The following RYR3 variants were observed in gnomAD, a reference collection of about 807,000 sequenced individuals.
The protein encoded by RYR3 is brain ryanodine receptor-calcium release channel.
RYR3 carries 207 observed loss-of-function variants against 584.3 expected under a neutral mutation model. The ratio of observed to expected loss-of-function variants is 0.35; its 90% CI spans 0.32 to 0.40. The LOEUF (loss-of-function observed/expected upper bound fraction) is 0.40, where lower values mean the gene tolerates loss of function less well. Ranked by LOEUF, RYR3 falls within the 10% of genes least tolerant of loss-of-function variation. The probability of loss-of-function intolerance (pLI) is 1.00; values close to 1 mark genes in which losing one functional copy is unlikely to be tolerated. For missense variants in RYR3, 5,616 were observed against 6,089.2 expected, an observed-to-expected ratio of 0.92 and a Z score of 2.59; for synonymous variants, 2,416 against 2,248.5, an observed-to-expected ratio of 1.07 and a Z score of -2.11.
chr15:33,691,135 A>G (rs2065396340), intron 38 of RYR3, among the ~76,000 whole-genome samples: 1 of 146,826 alleles, frequency 6.8e-6, no homozygotes, highest in Non-Finnish European at 1.5e-5. Context: ...CTGAAAAGTT[A>G]GTTGGCATGT....
chr15:33,434,974 T>G (rs2045531592), intron 1 of RYR3, among the ~76,000 whole-genome samples: 1 of 152,010 alleles, frequency 6.6e-6, no homozygotes. Context: ...CCCACCACCA[T>G]GCCTGGCTAA....
chr15:33,854,798 G>C lies in RYR3; in HGVS notation c.13893G>C (p.Met4631Ile). The change falls in exon 98 of 104, where the codon ATG becomes ATC. Residue 4631 changes from methionine (M) to isoleucine (I), a missense_variant. Met to Ile is a conservative substitution (Grantham distance 10, BLOSUM62 1). This residue lies in a region of RYR3 where 918 missense variants were observed against 887.4 expected (regional missense o/e 1.03). Transcript: ENST00000634891. The stretch of plus-strand genomic sequence containing the variant: ...TCTACCTTGCCTGGTATACAACCAT[G>C]TCAGTCCTGGGCCACTACAATAACT... ...SFLYLAWYTT[M>I]SVLGHYNNFF... 6.2e-7 allele frequency: 1 copy of C among 1,613,216 alleles called. No individual in the cohort carries two copies. Among genetic ancestry groups the C allele is most frequent in the Non-Finnish European group, 8.5e-7 (1 of 1,179,622 alleles).
intron 1 of RYR3, among the ~76,000 whole-genome samples, chr15:33,430,171 A>G (rs142902103): frequency 3.1e-4 from 47 of 152,392 alleles, no homozygotes; most frequent in African/African-American, 1.1e-3. Context: ...CAGCAAAGCC[A>G]AACACTTATA....
intron 102 of RYR3, 25 bp downstream of exon 102, chr15:33,861,203 T>C (rs777092848): frequency 1.3e-6 from 2 of 1,517,920 alleles, no homozygotes; most frequent in Non-Finnish European, 1.8e-6. Context: ...TTAACAAAAG[T>C]AATGGCAGCT....
At chr15:33,851,156 C>T (rs1050992991) in intron 94 of RYR3, 1 of 152,110 alleles carries the variant, frequency 6.6e-6, no homozygotes, top group African/African-American at 2.4e-5. Context: ...GTAGATATTT[C>T]AACTTGTTTT....
intron 42 of RYR3, among the ~76,000 whole-genome samples, chr15:33,703,872 G>C (rs1363512574): frequency 6.6e-6 from 1 of 152,018 alleles, no homozygotes; most frequent in African/African-American, 2.4e-5. Flanking sequence ...TTAAAAGCAG[G>C]AATCAAGGAA....
intron 36 of RYR3, among the ~76,000 whole-genome samples, chr15:33,668,911 A>C (rs1251928770): frequency 6.6e-6 from 1 of 152,234 alleles, no homozygotes; most frequent in Non-Finnish European, 1.5e-5. Flanking sequence ...AGTTAATTTT[A>C]CATAAATTAT....
chr15:33,439,156 T>G (rs78966521), intron 1 of RYR3, among the ~76,000 whole-genome samples: 2,776 of 152,296 alleles, frequency 0.018, 75 homozygotes, highest in African/African-American at 0.061. Context: ...ATAGAAATGC[T>G]TTTGCTTTTT....
intron 69 of RYR3, among the ~76,000 whole-genome samples, chr15:33,805,616 T>C (rs540085610): frequency 1.3e-3 from 193 of 151,992 alleles, no homozygotes; most frequent in Non-Finnish European, 1.8e-3. Context: ...TAGCTGGGAC[T>C]ACAGGTGCCC....
At chr15:33,521,775 GC>G (rs1364689170) in intron 3 of RYR3, among the ~76,000 whole-genome samples, 1 of 152,130 alleles carries the variant, frequency 6.6e-6, no homozygotes, top group Non-Finnish European at 1.5e-5. Flanking sequence ...GCCACCAGAT[GC>G]AGCCAACTTT....
chr15:33,422,930 G>A (rs1176565960), intron 1 of RYR3, among the ~76,000 whole-genome samples: 1 of 152,160 alleles, frequency 6.6e-6, no homozygotes, highest in Non-Finnish European at 1.5e-5. Context: ...ATTCCCTCTT[G>A]TAGTAGTTGA....
intron 1 of RYR3, among the ~76,000 whole-genome samples, chr15:33,427,147 G>A (rs1156763882): frequency 6.6e-6 from 1 of 152,204 alleles, no homozygotes; most frequent in Non-Finnish European, 1.5e-5. Flanking sequence ...GATCCAGGAG[G>A]ATATGCAGAA....
In RYR3 at chr15:33,768,725, C is replaced by G. The variant is rs777535177; in HGVS notation, c.8755+18C>G. ...CCTCTTTGGTAAGTGAAGTGTTGCT[C>G]AAGGTACCGCTCCTCCCTGTAATTA... is the stretch of plus-strand genomic sequence containing the variant. On this transcript the variant is annotated intron_variant, in intron 61 of 103. Transcript: ENST00000634891. 1.2e-6 allele frequency: 2 copies of G among 1,612,016 alleles called. No individual in the cohort carries two copies. The highest frequency in any genetic ancestry group is 2.2e-5 in the East Asian group (1 of 44,880).
At chr15:33,703,446 T>C (rs1349484372) in intron 42 of RYR3, among the ~76,000 whole-genome samples, 2 of 152,232 alleles carry the variant, frequency 1.3e-5, no homozygotes, top group African/African-American at 4.8e-5. Flanking sequence ...CTTCACCTCC[T>C]GGCTTGCAGA....
intron 1 of RYR3, among the ~76,000 whole-genome samples, chr15:33,375,692 A>G (rs948028866): frequency 1.3e-5 from 2 of 152,230 alleles, no homozygotes; most frequent in African/African-American, 4.8e-5. Context: ...ACACAGTAAA[A>G]TGCACAGATC....
chr15:33,720,801 G>C (rs928633828), intron 43 of RYR3, among the ~76,000 whole-genome samples: 3 of 152,086 alleles, frequency 2.0e-5, no homozygotes, highest in Non-Finnish European at 4.4e-5. Flanking sequence ...TTGAACCCTA[G>C]AGGGTGAGGC....
chr15:33,532,489 T>A (rs924599994), intron 4 of RYR3, among the ~76,000 whole-genome samples: 1 of 152,160 alleles, frequency 6.6e-6, no homozygotes, highest in Non-Finnish European at 1.5e-5. Context: ...TGCTACACAT[T>A]TAAATTTTTG....
chr15:33,558,323 A>G, intron 10 of RYR3, among the ~76,000 whole-genome samples: 1 of 141,166 alleles, frequency 7.1e-6, no homozygotes, highest in East Asian at 2.1e-4. Flanking sequence ...TTCAATTCCC[A>G]CCTATGAGTG....
At chr15:33,515,117 C>G (rs1257962044) in intron 3 of RYR3, among the ~76,000 whole-genome samples, 1 of 152,188 alleles carries the variant, frequency 6.6e-6, no homozygotes, top group Non-Finnish European at 1.5e-5. Context: ...AAGACCACAT[C>G]AGTGAAAATT....
Sources: gnomAD v4.1 joint callset for allele counts (sites outside exome capture counted in the v4.1 genomes callset) on GRCh38, gnomAD v4.1.1 for gene constraint, gnomAD v4.1.1 regional missense constraint, MANE v1.5 for transcripts, NCBI Gene and HGNC (gene_info 2026-07-23, HGNC 2026-07-21) for gene names.